The following CENPF variants were observed in gnomAD, a reference collection of about 807,000 sequenced individuals.
The protein encoded by CENPF is centromere protein F.
Under a neutral mutation model 307.3 loss-of-function variants are expected in CENPF, and 214 were observed. The observed-to-expected ratio is 0.70, with a 90% CI of 0.62 to 0.78. CENPF has a LOEUF of 0.78. CENPF is among the 30% of genes least tolerant of loss of function. The pLI, the probability that CENPF is intolerant of heterozygous loss-of-function variation, is 0.00. For missense variants in CENPF, 3,401 were observed against 3,483.9 expected (o/e 0.98, Z 0.60); for synonymous variants, 1,259 against 1,270.6 (o/e 0.99, Z 0.19).
chr1:214,647,300 C>A lies in CENPF; in HGVS notation c.7730C>A (p.Ala2577Asp). The change falls in exon 13 of 20, where the codon GCC becomes GAC. Residue 2577 changes from alanine to aspartate, a missense_variant. Coordinates refer to ENST00000366955, the MANE Select transcript of CENPF (RefSeq NM_016343.4). The stretch of plus-strand genomic sequence containing the variant: ...ATCCAAGTGCTACAATCCAAAAATG[C>A]CTCTTTGCAGGACACATTAGAAGTG... ...QKIQVLQSKN[A>D]SLQDTLEVLQ... 2 of 1,614,010 alleles carry A rather than the reference C, an allele frequency of 1.2e-6. No homozygotes were observed. Among genetic ancestry groups the A allele is most frequent in the Non-Finnish European group, 1.7e-6 (2 of 1,179,940 alleles).
Position 214,648,779 on chromosome 1 carries a change from G to T in CENPF, c.7935G>T (p.Arg2645Ser), listed in dbSNP as rs146342844. 4 of 1,613,998 alleles carry T rather than the reference G, an allele frequency of 2.5e-6. No homozygotes were observed. The highest frequency in any genetic ancestry group is 8.5e-7 in the Non-Finnish European group (1 of 1,179,914). Residue 2645 changes from arginine (R) to serine (S), a missense_variant, in exon 14 of 20, where the codon AGG becomes AGT. Coordinates refer to ENST00000366955, the MANE Select transcript of CENPF (RefSeq NM_016343.4). ...AAGAACTCAGTGGAGAGAAAAATAGGCTAGCTGGAGAGTTGCAGTTACTGT... is the reference window on the plus strand; with the variant it reads ...AAGAACTCAGTGGAGAGAAAAATAGTCTAGCTGGAGAGTTGCAGTTACTGT... ...LQEELSGEKN[R>S]LAGELQLLLE...
chr1:214,653,296 T>C (rs778696625), intron 16 of CENPF, among the ~76,000 whole-genome samples: 38 of 152,154 alleles, frequency 2.5e-4, no homozygotes, highest in Non-Finnish European at 5.1e-4. Context: ...TCTTAAGCTA[T>C]AGAAAACAGT....
intron 10 of CENPF, among the ~76,000 whole-genome samples, chr1:214,635,882 T>G (rs1332281291): frequency 6.6e-6 from 1 of 152,194 alleles, no homozygotes; most frequent in African/African-American, 2.4e-5. Context: ...GCCCTCTCTC[T>G]CTTCTTTTTT....
intron 1 of CENPF, chr1:214,603,657 A>G (rs1290030943): frequency 6.6e-6 from 1 of 152,260 alleles, no homozygotes; most frequent in Non-Finnish European, 1.5e-5. Context: ...AGGTATTTCC[A>G]AGCCGCCTTC....
Position 214,640,617 on chromosome 1 carries a change from A to G in CENPF, c.2279A>G (p.Tyr760Cys). 3 of 1,614,170 alleles carry G rather than the reference A, an allele frequency of 1.9e-6. No individual in the cohort carries two copies. The highest frequency in any genetic ancestry group is 2.5e-6 in the Non-Finnish European group (3 of 1,180,002). Residue 760 changes from tyrosine (Y) to cysteine (C), a missense_variant, in exon 12 of 20, where the codon TAT becomes TGT. Coordinates refer to ENST00000366955, the MANE Select transcript of CENPF (RefSeq NM_016343.4). ...TGTTACCAAGACTTGCATGCCGAAT[A>G]TGAGAGCCTCAGGGATCTGCTAAAA... The part of the protein sequence containing the change: ...DRCYQDLHAE[Y>C]ESLRDLLKSK...
At chr1:214,604,058 G>T (rs1656960307) in intron 1 of CENPF, among the ~76,000 whole-genome samples, 2 of 152,132 alleles carry the variant, frequency 1.3e-5, no homozygotes, top group South Asian at 4.1e-4. Flanking sequence ...CCTTGAGCCT[G>T]ACCTAGAGGA....
intron 1 of CENPF, chr1:214,605,872 C>T: frequency 6.3e-7 from 1 of 1,595,454 alleles, no homozygotes; most frequent in South Asian, 1.1e-5. Flanking sequence ...TGAGCACGGG[C>T]GACGTGATCT....
At position 214,662,180 on chromosome 1, in the gene CENPF, A is replaced by G. The variant is rs533685413; in HGVS notation, c.9142-1411A>G. Among the ~76,000 whole-genome samples, 186 of 152,180 alleles carry G rather than the reference A, an allele frequency of 1.2e-3. 1 individual carries two copies. Among genetic ancestry groups the G allele is most frequent in the African/African-American group, 4.2e-3 (175 of 41,522 alleles). ...CTGTCTCTCTCTTTTTAAATGGCAA[A>G]CCTAAAGATTTGTTTCTTGTACATC... On this transcript the variant is annotated intron_variant, in intron 19 of 19. Coordinates refer to ENST00000366955, the MANE Select transcript of CENPF (RefSeq NM_016343.4).
At position 214,644,513 on chromosome 1, in the gene CENPF, T is replaced by C. The variant is rs35378637; in HGVS notation, c.4987-44T>C. ...ACTAAATCTATTCTATTTTGATTCT[T>C]TTTGAAAAATAAAATGCATGCTTGT... On this transcript the variant is annotated intron_variant, in intron 12 of 19. Coordinates refer to ENST00000366955, the MANE Select transcript of CENPF (RefSeq NM_016343.4). 40,497 of 1,507,992 alleles carry C rather than the reference T, an allele frequency of 0.027. 659 individuals are homozygous for C. The highest frequency in any genetic ancestry group is 0.042 in the South Asian group (3,028 of 72,254). 93.4% of individuals were successfully genotyped at this position (1,507,992 alleles called of 1,614,324 possible). A position where few individuals can be genotyped will look rare whatever the true frequency, so the allele number is the denominator to read the frequency against.
At chr1:214,658,660 TG>T (rs1379834261) in intron 18 of CENPF, among the ~76,000 whole-genome samples, 189 bp from the exon 19 acceptor site, 1 of 152,166 alleles carries the variant, frequency 6.6e-6, no homozygotes, top group Non-Finnish European at 1.5e-5. Flanking sequence ...GAGAAAAACC[TG>T]TTAAGTTATT....
At position 214,621,549 on chromosome 1, in the gene CENPF, A is replaced by G. The variant is rs567845537; in HGVS notation, c.866-530A>G. Reference sequence around the variant, plus strand: ...TCACCTAGCCAATGCCATTGGAACCAATGTTGTGCGTATGTGGGAAAAAAG... The same window carrying G: ...TCACCTAGCCAATGCCATTGGAACCGATGTTGTGCGTATGTGGGAAAAAAG... On this transcript the variant is annotated intron_variant, in intron 6 of 19. Coordinates refer to ENST00000366955, the MANE Select transcript of CENPF (RefSeq NM_016343.4). Among the ~76,000 whole-genome samples the G allele has an allele frequency of 3.3e-3, 496 of 152,282 alleles. 5 individuals carry two copies. The highest frequency in any genetic ancestry group is 0.011 in the African/African-American group (468 of 41,532).
intron 17 of CENPF, 135 bp from the exon 18 acceptor site, chr1:214,656,798 T>TTC (rs1658642972): frequency 1.1e-5 from 7 of 632,266 alleles, no homozygotes; most frequent in Non-Finnish European, 1.9e-5. Flanking sequence ...TAAGAACATA[T>TTC]ACAGATATAT....
At chr1:214,605,418 C>T (rs1303016630) in intron 1 of CENPF, 3 of 465,188 alleles carry the variant, frequency 6.4e-6, no homozygotes, top group Non-Finnish European at 1.2e-5. Context: ...TCCGTAAGTG[C>T]CTGAGCTAGA....
intron 11 of CENPF, 89 bp downstream of exon 11, chr1:214,638,090 T>G (rs748980806): frequency 3.8e-6 from 5 of 1,303,450 alleles, no homozygotes; most frequent in Non-Finnish European, 5.2e-6. Context: ...AGAGAAACTC[T>G]TTGGATTTTT....
intron 14 of CENPF, 43 bp downstream of exon 14, chr1:214,648,870 A>G: frequency 6.3e-7 from 1 of 1,584,488 alleles, no homozygotes; most frequent in Non-Finnish European, 8.6e-7. Context: ...CTGTTAATTC[A>G]TTGTGCACAC....
intron 1 of CENPF, among the ~76,000 whole-genome samples, chr1:214,609,755 G>C (rs1400610431): frequency 6.6e-6 from 1 of 151,980 alleles, no homozygotes; most frequent in African/African-American, 2.4e-5. Flanking sequence ...CACCCTCAAG[G>C]AGGCCTCAGT....
chr1:214,605,804 T>C (rs111648472), intron 1 of CENPF: 104,596 of 1,590,088 alleles, frequency 0.066, 5,189 homozygotes, highest in African/African-American at 0.26. Flanking sequence ...GGGGCAGCGC[T>C]CGTAGAGCGC....
At chr1:214,663,564 C>A (rs759587077) in intron 19 of CENPF, 27 bp from the exon 20 acceptor site, 20 of 1,608,346 alleles carry the variant, frequency 1.2e-5, no homozygotes, top group Middle Eastern at 3.3e-4. Context: ...TGTGATTGAA[C>A]CTCTAACAGA....
Position 214,664,045 on chromosome 1 carries a change from G to C in CENPF, c.*251G>C. On this transcript the variant is annotated 3_prime_UTR_variant, in exon 20 of 20. Transcript: ENST00000366955. ...AATAGTATAAAGCTATGTATATAAA[G>C]CTTTTTGGTAATATGTTACAATTAA... The C allele has an allele frequency of 2.8e-6, 1 of 355,316 alleles. No individual in the cohort carries two copies. Among genetic ancestry groups the C allele is most frequent in the Non-Finnish European group, 5.0e-6 (1 of 198,302 alleles). The allele number at this position is 355,316 out of a possible 1,614,324, so 22.0% of individuals were successfully genotyped here. A position where few individuals can be genotyped will look rare whatever the true frequency, so the allele number is the denominator to read the frequency against.
Sources: allele counts gnomAD v4.1 joint callset (sites outside exome capture counted in the v4.1 genomes callset), GRCh38; gene constraint gnomAD v4.1.1; transcripts MANE v1.5; gene names NCBI Gene and HGNC (gene_info 2026-07-23, HGNC 2026-07-21).